Variants in CRIM1 observed in about 807,000 individuals in gnomAD.
The protein encoded by CRIM1 is cysteine rich transmembrane BMP regulator 1, also known as cysteine-rich motor neuron 1 protein.
CRIM1 carries 32 observed loss-of-function variants against 116.4 expected under a neutral mutation model. That is an observed-to-expected ratio of 0.27 (90% CI 0.21 to 0.37). The LOEUF is 0.37. Among genes scored for constraint, CRIM1 ranks in the 10% least tolerant of loss-of-function variants. CRIM1 has a pLI of 1.00. For synonymous variants in CRIM1, 590 were observed against 509.2 expected, an observed-to-expected ratio of 1.16 and a Z score of -2.13; for missense variants, 1,331 against 1,354.8, an observed-to-expected ratio of 0.98 and a Z score of 0.28.
At chr2:36,461,302 C>T (rs746409107) in intron 4 of CRIM1, among the ~76,000 whole-genome samples, 1 of 152,168 alleles carries the variant, frequency 6.6e-6, no homozygotes, top group Non-Finnish European at 1.5e-5. Flanking sequence ...GCTGTTTGCT[C>T]TGCCCCTTTT....
chr2:36,498,726 C>T (rs1039396903), intron 7 of CRIM1, among the ~76,000 whole-genome samples: 27 of 151,998 alleles, frequency 1.8e-4, no homozygotes, highest in African/African-American at 6.3e-4. Context: ...TAAAAGAAAT[C>T]CAGGTGTTTT....
At chr2:36,501,599 G>A (rs1359286293) in intron 8 of CRIM1, among the ~76,000 whole-genome samples, 1 of 152,178 alleles carries the variant, frequency 6.6e-6, no homozygotes, top group African/African-American at 2.4e-5. Flanking sequence ...GCAAGGGCCT[G>A]TAGTTCCAGC....
intron 7 of CRIM1, among the ~76,000 whole-genome samples, chr2:36,498,931 G>A (rs573395939): frequency 2.8e-4 from 43 of 152,278 alleles, no homozygotes; most frequent in African/African-American, 9.6e-4. Context: ...AACCTCTCTC[G>A]TCTGCTTCCA....
At chr2:36,539,209 A>C (rs984437967) in intron 14 of CRIM1, among the ~76,000 whole-genome samples, 2 of 152,166 alleles carry the variant, frequency 1.3e-5, no homozygotes, top group Non-Finnish European at 1.5e-5. Context: ...CACCTTACCA[A>C]CAAGATGAGA....
intron 2 of CRIM1, among the ~76,000 whole-genome samples, chr2:36,414,723 T>A (rs186824246): frequency 6.6e-6 from 1 of 152,272 alleles, no homozygotes; most frequent in East Asian, 1.9e-4. Context: ...GACCCCAGTA[T>A]GGGAGAAAGA....
At chr2:36,357,358 C>A (rs1360212628) in intron 1 of CRIM1, among the ~76,000 whole-genome samples, 1 of 152,154 alleles carries the variant, frequency 6.6e-6, no homozygotes, top group Non-Finnish European at 1.5e-5. Context: ...ATCAGATACC[C>A]GCGTGTTTCC....
At chr2:36,442,300 C>T (rs565488600) in intron 3 of CRIM1, among the ~76,000 whole-genome samples, 31 of 151,418 alleles carry the variant, frequency 2.0e-4, no homozygotes, top group Admixed American at 6.6e-4. Context: ...ATCCTTTGTC[C>T]GTCTCTTGAA....
intron 4 of CRIM1, among the ~76,000 whole-genome samples, chr2:36,445,438 T>G (rs1372152988): frequency 2.0e-5 from 3 of 152,196 alleles, no homozygotes; most frequent in African/African-American, 7.2e-5. Flanking sequence ...GTCTTCATGC[T>G]TCAACCAACA....
intron 1 of CRIM1, among the ~76,000 whole-genome samples, chr2:36,395,259 C>T (rs906006751): frequency 6.6e-6 from 1 of 152,088 alleles, no homozygotes; most frequent in Admixed American, 6.5e-5. Flanking sequence ...GTCTTGGCCT[C>T]CCAAAACGCT....
In CRIM1 at chr2:36,381,113, C is replaced by G. The variant is rs1358375586; in HGVS notation, c.332-15501C>G. On this transcript the variant is annotated intron_variant, in intron 1 of 16. Coordinates refer to ENST00000280527, the MANE Select transcript of CRIM1 (RefSeq NM_016441.3). ...TCCCTGCCCGCCTTCTTGCCCCCGC[C>G]CCTACCCCCCACACAGGAATCTAGA... Among the ~76,000 whole-genome samples, 4 of 152,210 alleles carry G rather than the reference C, an allele frequency of 2.6e-5. No homozygotes were observed. In the South Asian group the frequency reaches 8.3e-4, roughly 32 times the overall value.
At chr2:36,445,665 C>G (rs1392516816) in intron 4 of CRIM1, among the ~76,000 whole-genome samples, 1 of 152,090 alleles carries the variant, frequency 6.6e-6, no homozygotes, top group Non-Finnish European at 1.5e-5. Context: ...CAAGCTGTGG[C>G]TTAGACCCAT....
intron 1 of CRIM1, among the ~76,000 whole-genome samples, chr2:36,365,627 C>T (rs1176900498): frequency 1.3e-5 from 2 of 151,922 alleles, no homozygotes; most frequent in Admixed American, 1.3e-4. Flanking sequence ...TGATATAGTG[C>T]GGGGTAGGAA....
chr2:36,416,139 T>C (rs539465274), intron 2 of CRIM1, among the ~76,000 whole-genome samples: 1 of 151,906 alleles, frequency 6.6e-6, no homozygotes, highest in Admixed American at 6.6e-5. Context: ...ACCTGGGAGG[T>C]GGAGGTTACA....
At chr2:36,499,107 C>T in intron 7 of CRIM1, 112 bp from the exon 8 acceptor site, 1 of 768,024 alleles carries the variant, frequency 1.3e-6, no homozygotes, top group Non-Finnish European at 2.2e-6. Context: ...GATTTGATGA[C>T]AATTACTGAT....
At chr2:36,397,403 A>G (rs931459737) in intron 2 of CRIM1, among the ~76,000 whole-genome samples, 5 of 152,184 alleles carry the variant, frequency 3.3e-5, no homozygotes, top group African/African-American at 4.8e-5. Context: ...AATTGAATAT[A>G]TGACTCATCA....
chr2:36,447,364 A>G (rs1464008405), intron 4 of CRIM1, among the ~76,000 whole-genome samples: 2 of 152,246 alleles, frequency 1.3e-5, no homozygotes, highest in Non-Finnish European at 2.9e-5. Flanking sequence ...ACACATTTCT[A>G]TCTGCATACC....
At chr2:36,418,682 C>A (rs550329763) in intron 2 of CRIM1, among the ~76,000 whole-genome samples, 1 of 152,318 alleles carries the variant, frequency 6.6e-6, no homozygotes, top group East Asian at 1.9e-4. Context: ...GCTTCAGAAA[C>A]AAGGTAAAGC....
At position 36,544,505 on chromosome 2, in the gene CRIM1, A is replaced by G; in HGVS notation, c.2746+7A>G. The G allele has an allele frequency of 7.5e-7, 1 of 1,328,078 alleles. No homozygotes were observed. The highest frequency in any genetic ancestry group is 9.7e-7 in the Non-Finnish European group (1 of 1,029,122). 82.3% of individuals were successfully genotyped at this position (1,328,078 alleles called of 1,614,324 possible). On this transcript the variant is annotated splice_region_variant and intron_variant, in intron 15 of 16. Coordinates refer to ENST00000280527, the MANE Select transcript of CRIM1 (RefSeq NM_016441.3). ...ATCGTCCATCTCCCTAGAGGTAAGC[A>G]TTGAAGGCAGCTGAGATCTGCTAGT... is the stretch of plus-strand genomic sequence containing the variant.
At chr2:36,444,661 A>G (rs1676106523) in intron 4 of CRIM1, among the ~76,000 whole-genome samples, 1 of 152,234 alleles carries the variant, frequency 6.6e-6, no homozygotes, top group Non-Finnish European at 1.5e-5. Flanking sequence ...AATTATTTGC[A>G]GAGAAGGGAT....
Sources: gnomAD v4.1 joint callset for allele counts (sites outside exome capture counted in the v4.1 genomes callset) on GRCh38, gnomAD v4.1.1 for gene constraint, MANE v1.5 for transcripts, NCBI Gene and HGNC (gene_info 2026-07-23, HGNC 2026-07-21) for gene names.